Variants in SLC35D2 observed in about 807,000 individuals in gnomAD.
SLC35D2 encodes the protein solute carrier family 35 member D2.
Under a neutral mutation model 41.8 loss-of-function variants are expected in SLC35D2, and 43 were observed. That is an observed-to-expected ratio of 1.03 (90% confidence interval 0.81 to 1.33). SLC35D2 has a LOEUF of 1.33. Among genes scored for constraint, SLC35D2 ranks in the 40% most tolerant of loss-of-function variants. SLC35D2 has a pLI of 0.00. For missense variants in SLC35D2, 380 were observed against 408.4 expected (o/e 0.93, Z 0.60); for synonymous variants, 150 against 163.9 (o/e 0.92, Z 0.65).
At chr9:96,371,474 C>CAAGAAAA (rs1830675895) in intron 1 of SLC35D2, among the ~76,000 whole-genome samples, 1 of 46,644 alleles carries the variant, frequency 2.1e-5, no homozygotes, top group Non-Finnish European at 3.8e-5. Flanking sequence ...GACTCTGTCT[C>CAAGAAAA]AAAAAAAAAA....
chr9:96,363,049 A>G (rs1344456622), intron 3 of SLC35D2, among the ~76,000 whole-genome samples: 1 of 151,768 alleles, frequency 6.6e-6, no homozygotes, highest in East Asian at 1.9e-4. Context: ...TTGTATATTC[A>G]GTAGAGACGG....
At chr9:96,324,018 C>G (rs987139582) in intron 10 of SLC35D2, 73 bp downstream of exon 10, 1 of 1,356,374 alleles carries the variant, frequency 7.4e-7, no homozygotes, top group East Asian at 2.3e-5. Flanking sequence ...AAAATCAAAC[C>G]CGGCCTCCCA....
At chr9:96,336,899 A>G (rs911570313) in intron 8 of SLC35D2, 115 bp from the exon 9 acceptor site, 3 of 645,824 alleles carry the variant, frequency 4.6e-6, no homozygotes, top group Non-Finnish European at 8.0e-6. Context: ...CAGAAAACAT[A>G]AAGCTAAAAA....
At chr9:96,344,542 GAA>G (rs755135394) in intron 7 of SLC35D2, among the ~76,000 whole-genome samples, 33 of 37,720 alleles carry the variant, frequency 8.7e-4, no homozygotes, top group African/African-American at 3.2e-3. Context: ...CCATGCAGGG[GAA>G]AAAAAAAAAA....
chr9:96,334,384 T>C (rs547955987), intron 9 of SLC35D2, among the ~76,000 whole-genome samples: 1 of 152,250 alleles, frequency 6.6e-6, no homozygotes, highest in African/African-American at 2.4e-5. Flanking sequence ...ATGCCTGTAA[T>C]CCCAGCACTT....
chr9:96,366,299 A>G (rs929172340), intron 2 of SLC35D2, among the ~76,000 whole-genome samples: 15 of 139,454 alleles, frequency 1.1e-4, no homozygotes, highest in South Asian at 6.8e-4. Context: ...CAGACACTGG[A>G]AAAAAAAAAA....
In SLC35D2 at chr9:96,383,620, GC is replaced by G; in HGVS notation, c.14del (p.Gly5AlafsTer45). On this transcript the variant is annotated frameshift_variant, in exon 1 of 12. Coordinates refer to ENST00000253270, the MANE Select transcript of SLC35D2 (RefSeq NM_007001.3). LOFTEE classifies it high-confidence loss of function. MTAG[G>X]QAEAEGAGGE... is the part of the protein sequence containing the mutation. ...CGCCAGCGCCCTCGGCCTCGGCCTG[GC>G]CGCCGGCCGTCATCTCCTGCGGCCC... The G allele has an allele frequency of 8.6e-7, 1 of 1,166,840 alleles. No homozygotes were observed. The allele number at this position is 1,166,840 out of a possible 1,614,324, so 72.3% of individuals were successfully genotyped here.
intron 9 of SLC35D2, among the ~76,000 whole-genome samples, chr9:96,330,377 G>T (rs563520970): frequency 1.3e-5 from 2 of 152,084 alleles, no homozygotes; most frequent in Non-Finnish European, 2.9e-5. Flanking sequence ...TAATCCAGTC[G>T]AATTGATACC....
At chr9:96,318,979 T>G (rs1828123082), downstream of SLC35D2, among the ~76,000 whole-genome samples, 1 of 151,960 alleles carries the variant, frequency 6.6e-6, no homozygotes, top group Non-Finnish European at 1.5e-5. Flanking sequence ...AACCTAAAAA[T>G]AGAAAGACCA....
chr9:96,322,189 G>C (rs16910750), intron 10 of SLC35D2, 109 bp from the exon 11 acceptor site: 105,518 of 693,856 alleles, frequency 0.15, 9,007 homozygotes, highest in African/African-American at 0.27. Context: ...ATAGAGACTT[G>C]TACATAGGGA....
At chr9:96,369,553 T>C (rs1400278418) in intron 1 of SLC35D2, among the ~76,000 whole-genome samples, 1 of 152,124 alleles carries the variant, frequency 6.6e-6, no homozygotes, top group Admixed American at 6.5e-5. Flanking sequence ...ATAAATGAGA[T>C]TGTGTGGTAT....
At chr9:96,327,365 G>A (rs1828585251) in intron 9 of SLC35D2, among the ~76,000 whole-genome samples, 1 of 152,074 alleles carries the variant, frequency 6.6e-6, no homozygotes, top group Non-Finnish European at 1.5e-5. Context: ...GACTACAGAT[G>A]TGTGTCGTCA....
chr9:96,340,244 T>C (rs1829252983), intron 8 of SLC35D2, among the ~76,000 whole-genome samples: 1 of 152,234 alleles, frequency 6.6e-6, no homozygotes, highest in South Asian at 2.1e-4. Flanking sequence ...GTTTTTTATA[T>C]GGGGTTGATG....
Position 96,336,740 on chromosome 9 carries a change from CTG to C in SLC35D2, c.727_728del (p.Gln243ValfsTer81). On this transcript the variant is annotated frameshift_variant, in exon 9 of 12. Transcript: ENST00000253270. LOFTEE classifies it high-confidence loss of function. ...NQWKNVVFIL[Q>X]FLLSCFLGFL... ...ACCCCAAAAAACAGGAAAGAAGAAA[CTG>C]TAGGATAAACACAACATTCTTCCAT... 1 of 1,587,300 alleles carries C rather than the reference CTG, an allele frequency of 6.3e-7. No individual in the cohort carries two copies. Among genetic ancestry groups the C allele is most frequent in the Non-Finnish European group, 8.6e-7 (1 of 1,161,040 alleles).
intron 6 of SLC35D2, among the ~76,000 whole-genome samples, chr9:96,347,598 C>A (rs1012002155): frequency 1.3e-5 from 2 of 152,064 alleles, no homozygotes; most frequent in Non-Finnish European, 2.9e-5. Flanking sequence ...GGGCTGGTCT[C>A]GAACTCCTGG....
chr9:96,337,313 A>G (rs967626578), intron 8 of SLC35D2, among the ~76,000 whole-genome samples: 1 of 151,958 alleles, frequency 6.6e-6, no homozygotes, highest in Non-Finnish European at 1.5e-5. Flanking sequence ...CCTGGGATCA[A>G]TCAGTTCCTC....
chr9:96,332,920 G>A (rs1429634919), intron 9 of SLC35D2, among the ~76,000 whole-genome samples: 1 of 142,228 alleles, frequency 7.0e-6, no homozygotes, highest in Non-Finnish European at 1.5e-5. Flanking sequence ...TTTTTTTTGA[G>A]ACAGAGTCTC....
intron 3 of SLC35D2, among the ~76,000 whole-genome samples, chr9:96,363,169 T>G: frequency 8.1e-6 from 1 of 123,274 alleles, no homozygotes; most frequent in South Asian, 2.3e-4. Flanking sequence ...ACCTGGCTTA[T>G]TTTTTTTTTT....
At chr9:96,372,407 C>A (rs964548196) in intron 1 of SLC35D2, among the ~76,000 whole-genome samples, 1 of 151,752 alleles carries the variant, frequency 6.6e-6, no homozygotes, top group Non-Finnish European at 1.5e-5. Flanking sequence ...ATTGCATGAG[C>A]CTTGATTGGA....
Sources: allele counts gnomAD v4.1 joint callset (sites outside exome capture counted in the v4.1 genomes callset), GRCh38; gene constraint gnomAD v4.1.1; transcripts MANE v1.5; gene names NCBI Gene and HGNC (gene_info 2026-07-23, HGNC 2026-07-21).